The following SCN3A variants were observed in gnomAD, a reference collection of about 807,000 sequenced individuals.
SCN3A encodes the protein sodium channel protein type 3 subunit alpha.
Under a neutral mutation model 187.6 loss-of-function variants are expected in SCN3A, and 60 were observed. The observed-to-expected ratio is 0.32, with a 90% confidence interval of 0.26 to 0.40. SCN3A has a LOEUF of 0.40. SCN3A is among the 10% of genes least tolerant of loss of function. The probability of loss-of-function intolerance (pLI) is 1.00; values close to 1 mark genes in which losing one functional copy is unlikely to be tolerated. For missense variants in SCN3A, 1,601 were observed against 2,428.2 expected (o/e 0.66, Z 7.16); for synonymous variants, 788 against 829.2 (o/e 0.95, Z 0.85).
Position 165,131,432 on chromosome 2 carries a change from T to C in SCN3A, c.2392-15A>G. On this transcript the variant is annotated splice_polypyrimidine_tract_variant and intron_variant, in intron 15 of 27. Coordinates refer to ENST00000283254, the MANE Select transcript of SCN3A (RefSeq NM_006922.4). ...CCAGTAAAGACCTAAAAAATAGAGA[T>C]CAGCACTACTTCAAGAGCACTGAAA... The C allele has an allele frequency of 6.3e-7, 1 of 1,590,906 alleles. No individual in the cohort carries two copies. Among genetic ancestry groups the C allele is most frequent in the South Asian group, 1.1e-5 (1 of 88,432 alleles).
In SCN3A at chr2:165,091,227, G is replaced by A. The variant is rs1427597215; in HGVS notation, c.4926C>T (p.Arg1642=). The change falls in exon 28 of 28, where the codon CGC becomes CGT. Residue 1642 remains arginine (R), a synonymous_variant. Transcript: ENST00000283254. ...ACATCATCAAAGCAAAGAGCAGCGT[G>A]CGGATCCCCTTTGCTCCTTTGATCA... is the stretch of plus-strand genomic sequence containing the variant. ...LRLIKGAKGI[R]TLLFALMMSL... The A allele has an allele frequency of 3.7e-6, 6 of 1,613,990 alleles. No homozygotes were observed. The highest frequency in any genetic ancestry group is 1.7e-5 in the Admixed American group (1 of 59,988).
rs1685129218 is a variant in SCN3A at position 165,091,977 on chromosome 2, C to A, written c.4807+277G>T. Reference sequence around the variant, plus strand: ...TTTTAAGCCATCTGCCTCTTTTAGCCTGTGACCTTGGTTTAAGATTAGGAG... The same window carrying A: ...TTTTAAGCCATCTGCCTCTTTTAGCATGTGACCTTGGTTTAAGATTAGGAG... On this transcript the variant is annotated intron_variant, in intron 27 of 27. Coordinates refer to ENST00000283254, the MANE Select transcript of SCN3A (RefSeq NM_006922.4). 5 of 495,286 alleles carry A rather than the reference C, an allele frequency of 1.0e-5. No individual in the cohort carries two copies. In the East Asian group the frequency reaches 1.8e-4, roughly 18 times the overall value. 30.7% of individuals were successfully genotyped at this position (495,286 alleles called of 1,614,324 possible). A position where few individuals can be genotyped will look rare whatever the true frequency, so the allele number is the denominator to read the frequency against.
chr2:165,174,597 G>A (rs1051048139), intron 3 of SCN3A, among the ~76,000 whole-genome samples: 2 of 152,038 alleles, frequency 1.3e-5, no homozygotes, highest in African/African-American at 2.4e-5. Context: ...TCTTTAAGTA[G>A]CAAATACTTT....
Position 165,128,051 on chromosome 2 carries a change from G to A in SCN3A, c.2973C>T (p.Asn991=), listed in dbSNP as rs746152240. Residue 991 remains asparagine, a synonymous_variant, in exon 18 of 28, where the codon AAC becomes AAT. Coordinates refer to ENST00000283254, the MANE Select transcript of SCN3A (RefSeq NM_006922.4). Reference sequence around the variant, plus strand: ...CATTGTCATCATCAGTAGCAGCAAGGTTGTCTGAGCTAAATGAACTCAACA... The same window carrying A: ...CATTGTCATCATCAGTAGCAGCAAGATTGTCTGAGCTAAATGAACTCAACA... The part of the protein sequence containing the change: ...ALLLSSFSSD[N]LAATDDDNEM... 8.1e-6 allele frequency: 13 copies of A among 1,613,310 alleles called. No homozygotes were observed. The highest frequency in any genetic ancestry group is 1.1e-5 in the Non-Finnish European group (13 of 1,179,916).
Position 165,176,237 on chromosome 2 carries a change from C to T in SCN3A, c.158G>A (p.Ser53Asn). 1 of 1,613,772 alleles carries T rather than the reference C, an allele frequency of 6.2e-7. No homozygotes were observed. Among genetic ancestry groups the T allele is most frequent in the East Asian group, 2.2e-5 (1 of 44,886 alleles). The change falls in exon 3 of 28, where the codon AGT becomes AAT. Residue 53 changes from serine (S) to asparagine (N), a missense_variant. Ser to Asn is a conservative substitution (Grantham distance 46). Around this residue, in one of 11 missense-constraint regions of SCN3A, gnomAD observed 74 missense variants for 77.7 expected, o/e 0.95. Coordinates refer to ENST00000283254, the MANE Select transcript of SCN3A (RefSeq NM_006922.4). ...NDDENKPKPN[S>N]DLEAGKNLPF... ...AAGGTTCTTTCCAGCTTCCAAGTCA[C>T]TATTTGGCTTTGGTTTGTTCTCATC...
At chr2:165,195,898 C>T (rs1427397407) in intron 1 of SCN3A, among the ~76,000 whole-genome samples, 1 of 152,102 alleles carries the variant, frequency 6.6e-6, no homozygotes, top group Non-Finnish European at 1.5e-5. Context: ...CATTTACCTT[C>T]ATGCTTTACC....
At chr2:165,099,052 A>G (rs2105654755) in intron 22 of SCN3A, among the ~76,000 whole-genome samples, 1 of 152,322 alleles carries the variant, frequency 6.6e-6, no homozygotes, top group East Asian at 1.9e-4. Context: ...AAAACCAAAT[A>G]TTTCTTTGAT....
intron 18 of SCN3A, 72 bp from the exon 19 acceptor site, chr2:165,115,647 A>G: frequency 7.0e-7 from 1 of 1,430,318 alleles, no homozygotes; most frequent in Non-Finnish European, 9.9e-7. Context: ...ATACTGTGTC[A>G]TTGTGTGAAA....
intron 6 of SCN3A, chr2:165,163,957 G>T: frequency 7.0e-7 from 1 of 1,420,552 alleles, no homozygotes; most frequent in East Asian, 2.3e-5. Context: ...AGGACTTAAT[G>T]CTGGGTTTGG....
rs1321955401 is a variant in SCN3A at position 165,095,555 on chromosome 2, A to T, written c.4387T>A (p.Phe1463Ile). 6.2e-7 allele frequency: 1 copy of T among 1,610,716 alleles called. No homozygotes were observed. Among genetic ancestry groups the T allele is most frequent in the Non-Finnish European group, 8.5e-7 (1 of 1,177,026 alleles). Residue 1463 changes from phenylalanine to isoleucine, a missense_variant, in exon 25 of 28, where the codon TTC (phenylalanine) becomes ATC (isoleucine). Around this residue, in one of 11 missense-constraint regions of SCN3A, gnomAD observed 320 missense variants for 623.2 expected, o/e 0.51. Transcript: ENST00000283254. ...AAGTTATCTATGATGACACCAATGA[A>T]TAGATTCAGAGTGAAGAATGACCCA... Reference protein sequence around the residue: ...IFGSFFTLNLFIGVIIDNFNQ... With the variant: ...IFGSFFTLNLIIGVIIDNFNQ...
At chr2:165,189,453 T>C (rs1691458607) in intron 1 of SCN3A, among the ~76,000 whole-genome samples, 1 of 152,210 alleles carries the variant, frequency 6.6e-6, no homozygotes, top group South Asian at 2.1e-4. Flanking sequence ...GAAATTATCT[T>C]AATAAAATTT....
intron 1 of SCN3A, among the ~76,000 whole-genome samples, chr2:165,198,787 T>C (rs1454562161): frequency 6.6e-6 from 1 of 151,944 alleles, no homozygotes; most frequent in Non-Finnish European, 1.5e-5. Context: ...ATAAATTCCA[T>C]GAAAAGAAAA....
At position 165,090,258 on chromosome 2, in the gene SCN3A, G is replaced by C; in HGVS notation, c.5895C>G (p.Thr1965=). The stretch of plus-strand genomic sequence containing the variant: ...TTACACTATCATAGGAAGGAGGAGA[G>C]GTGGTAGAGGAACTCCCATCTGTTT... ...PEKTDGSSST[T]SPPSYDSVTK... Residue 1965 remains threonine (T), a synonymous_variant, in exon 28 of 28, where the codon ACC becomes ACG. Coordinates refer to ENST00000283254, the MANE Select transcript of SCN3A (RefSeq NM_006922.4). The surrounding 1 kb of genome is among the most constrained non-coding windows in gnomAD (Gnocchi z 4.0). The C allele has an allele frequency of 6.2e-7, 1 of 1,611,888 alleles. No homozygotes were observed.
At chr2:165,128,189 A>G (rs1211052430) in intron 17 of SCN3A, 88 bp from the exon 18 acceptor site, 6 of 1,040,772 alleles carry the variant, frequency 5.8e-6, no homozygotes, top group Admixed American at 2.7e-5. Flanking sequence ...GATCTTTGCT[A>G]AAATTATTTC....
intron 1 of SCN3A, among the ~76,000 whole-genome samples, chr2:165,200,020 C>T (rs749160282): frequency 1.7e-4 from 26 of 152,010 alleles, no homozygotes; most frequent in Non-Finnish European, 3.2e-4. Flanking sequence ...TTCTAACTAC[C>T]TCAAGTTACA....
In SCN3A at chr2:165,140,697, C is replaced by T; in HGVS notation, c.1973G>A (p.Gly658Asp). ...AGGTGACGTTAGAGCTGAAGGTCCA[C>T]CCACCAAGGAAACCACACCATTGCA... The part of the protein sequence containing the change: ...VDCNGVVSLV[G>D]GPSALTSPTG... The change falls in exon 13 of 28, where the codon GGT becomes GAT. Residue 658 changes from glycine to aspartate, a missense_variant. Around this residue, in one of 11 missense-constraint regions of SCN3A, gnomAD observed 376 missense variants for 476.0 expected, o/e 0.79. Transcript: ENST00000283254. This position sits in a 1 kb window ranked among gnomAD's most constrained non-coding sequence, Gnocchi z 4.2. 6.2e-7 allele frequency: 1 copy of T among 1,613,976 alleles called. No homozygotes were observed. The highest frequency in any genetic ancestry group is 8.5e-7 in the Non-Finnish European group (1 of 1,179,970).
intron 21 of SCN3A, among the ~76,000 whole-genome samples, chr2:165,107,742 C>G (rs77834195): frequency 0.1 from 15,729 of 152,258 alleles, 1,041 homozygotes; most frequent in Middle Eastern, 0.17. Context: ...AAAGGTAGCT[C>G]TACCACCTAC....
chr2:165,190,558 TTATA>T (rs1475394108), intron 1 of SCN3A, among the ~76,000 whole-genome samples: 3 of 146,784 alleles, frequency 2.0e-5, no homozygotes, highest in Non-Finnish European at 4.5e-5. Flanking sequence ...ATATATAACT[TTATA>T]TATAACTATA....
chr2:165,168,687 A>C, intron 5 of SCN3A, 49 bp downstream of exon 5: 16 of 1,239,736 alleles, frequency 1.3e-5, no homozygotes, highest in Non-Finnish European at 1.5e-5. Context: ...GGAGATTGCT[A>C]GAGAATTTGA....
Sources: gnomAD v4.1 joint callset for allele counts (sites outside exome capture counted in the v4.1 genomes callset) on GRCh38, gnomAD v4.1.1 for gene constraint, gnomAD v4.1.1 regional missense constraint, Gnocchi (gnomAD v3.1) non-coding constraint, MANE v1.5 for transcripts, NCBI Gene and HGNC (gene_info 2026-07-23, HGNC 2026-07-21) for gene names.